Variants in LUZP2 observed in about 807,000 individuals in gnomAD.
LUZP2 encodes the protein leucine zipper protein 2.
Under a neutral mutation model 51.6 loss-of-function variants are expected in LUZP2, and 52 were observed. The ratio of observed to expected loss-of-function variants is 1.01; its 90% CI spans 0.81 to 1.27. The LOEUF (loss-of-function observed/expected upper bound fraction) is 1.27, where lower values mean the gene tolerates loss of function less well. LUZP2 is among the 50% of genes most tolerant of loss of function. The probability of loss-of-function intolerance (pLI) is 0.00; values close to 1 mark genes in which losing one functional copy is unlikely to be tolerated. For synonymous variants in LUZP2, 154 were observed against 137.3 expected, an observed-to-expected ratio of 1.12 and a Z score of -0.85; for missense variants, 436 against 395.4, an observed-to-expected ratio of 1.10 and a Z score of -0.87.
intron 5 of LUZP2, among the ~76,000 whole-genome samples, chr11:24,812,537 T>C (rs1850052278): frequency 6.6e-6 from 1 of 152,182 alleles, no homozygotes; most frequent in Non-Finnish European, 1.5e-5. Context: ...TAACCTCTCT[T>C]TGCCCGTTAA....
chr11:25,075,161 A>C (rs1332666917), intron 10 of LUZP2, among the ~76,000 whole-genome samples: 1 of 152,194 alleles, frequency 6.6e-6, no homozygotes. Context: ...AAATCATACA[A>C]CAAGAAATTT....
intron 1 of LUZP2, among the ~76,000 whole-genome samples, chr11:24,721,750 C>A (rs982309271): frequency 6.6e-6 from 1 of 152,052 alleles, no homozygotes; most frequent in Admixed American, 6.6e-5. Context: ...ACCCAAAACC[C>A]AAACAATGTT....
At chr11:25,014,205 A>G (rs1174417547) in intron 9 of LUZP2, among the ~76,000 whole-genome samples, 1 of 152,216 alleles carries the variant, frequency 6.6e-6, no homozygotes, top group Non-Finnish European at 1.5e-5. Context: ...TGCCACAATA[A>G]ACATACGTGT....
intron 5 of LUZP2, chr11:24,892,319 T>C (rs1478215959): frequency 1.0e-6 from 1 of 985,320 alleles, no homozygotes; most frequent in Admixed American, 6.1e-5. Context: ...AAGTTCTCTG[T>C]CTGGCCTCGA....
At chr11:24,665,897 G>A (rs977078633) in intron 1 of LUZP2, among the ~76,000 whole-genome samples, 2 of 152,016 alleles carry the variant, frequency 1.3e-5, no homozygotes, top group Admixed American at 6.6e-5. Context: ...ATTCATTATA[G>A]TCTTATCATT....
intron 1 of LUZP2, among the ~76,000 whole-genome samples, chr11:24,684,268 C>T (rs182374297): frequency 1.8e-3 from 272 of 152,110 alleles, no homozygotes; most frequent in African/African-American, 6.4e-3. Flanking sequence ...ATCCTAATTG[C>T]CCATAGGAAA....
intron 1 of LUZP2, among the ~76,000 whole-genome samples, chr11:24,566,771 G>GTA (rs1413726213): frequency 2.8e-5 from 4 of 142,160 alleles, no homozygotes; most frequent in African/African-American, 7.8e-5. Context: ...TATGTATAAG[G>GTA]TATATATACA....
At chr11:24,715,408 A>G (rs1351885953) in intron 1 of LUZP2, among the ~76,000 whole-genome samples, 1 of 151,960 alleles carries the variant, frequency 6.6e-6, no homozygotes, top group Non-Finnish European at 1.5e-5. Context: ...GCCCTTCAAG[A>G]GTTTTGATAA....
chr11:25,065,003 G>A, intron 10 of LUZP2, among the ~76,000 whole-genome samples: 1 of 152,032 alleles, frequency 6.6e-6, no homozygotes. Context: ...CTAAATCAGT[G>A]CTTTGTTTGG....
chr11:24,533,082 T>C (rs932437459), intron 1 of LUZP2, among the ~76,000 whole-genome samples: 2 of 151,302 alleles, frequency 1.3e-5, no homozygotes, highest in African/African-American at 2.4e-5. Flanking sequence ...CTTTCCATTT[T>C]AAATTCCAGA....
intron 5 of LUZP2, among the ~76,000 whole-genome samples, chr11:24,897,146 A>G (rs1853091784): frequency 6.6e-6 from 1 of 151,290 alleles, no homozygotes; most frequent in African/African-American, 2.4e-5. Context: ...ACCAATCAGC[A>G]CTCTGTGTCT....
chr11:24,885,492 G>C (rs747439433), intron 5 of LUZP2, among the ~76,000 whole-genome samples: 8 of 152,094 alleles, frequency 5.3e-5, no homozygotes, highest in African/African-American at 1.2e-4. Flanking sequence ...CCCAAGTCTA[G>C]TTGTCCTGAT....
intron 9 of LUZP2, among the ~76,000 whole-genome samples, chr11:25,008,135 G>T (rs1373895372): frequency 1.3e-5 from 2 of 152,198 alleles, no homozygotes; most frequent in Non-Finnish European, 2.9e-5. Flanking sequence ...TGACTACTGG[G>T]CTTGCTCTGC....
intron 1 of LUZP2, among the ~76,000 whole-genome samples, chr11:24,519,589 G>A (rs1027097270): frequency 2.0e-5 from 3 of 152,118 alleles, no homozygotes; most frequent in African/African-American, 7.2e-5. Flanking sequence ...AAAAGTCCTT[G>A]GGAAAGGGTT....
intron 9 of LUZP2, among the ~76,000 whole-genome samples, chr11:25,042,518 A>G (rs1302481506): frequency 6.6e-6 from 1 of 152,220 alleles, no homozygotes; most frequent in Non-Finnish European, 1.5e-5. Context: ...TCTCTAGTAC[A>G]TTATAAATTA....
intron 9 of LUZP2, among the ~76,000 whole-genome samples, chr11:25,019,944 T>C (rs776774970): frequency 1.3e-5 from 2 of 152,086 alleles, no homozygotes; most frequent in Non-Finnish European, 2.9e-5. Flanking sequence ...TTCTTAAAAA[T>C]GACTCCAGAT....
At chr11:24,737,075 G>A (rs1858971067) in intron 3 of LUZP2, among the ~76,000 whole-genome samples, 1 of 152,078 alleles carries the variant, frequency 6.6e-6, no homozygotes, top group Admixed American at 6.6e-5. Flanking sequence ...GCTTATGGTT[G>A]TGTAGAACAT....
chr11:25,045,028 G>A (rs1250695979), intron 9 of LUZP2, among the ~76,000 whole-genome samples: 2 of 113,044 alleles, frequency 1.8e-5, no homozygotes, highest in African/African-American at 6.9e-5. Context: ...ATGGACACAG[G>A]AAGGGGAACA....
At chr11:24,521,065 GT>G (rs1366338094) in intron 1 of LUZP2, among the ~76,000 whole-genome samples, 1 of 152,154 alleles carries the variant, frequency 6.6e-6, no homozygotes, top group Non-Finnish European at 1.5e-5. Context: ...AAAACAGATT[GT>G]GTGGCTGGGC....
Sources: gnomAD v4.1 joint callset for allele counts (sites outside exome capture counted in the v4.1 genomes callset) on GRCh38, gnomAD v4.1.1 for gene constraint, MANE v1.5 for transcripts, NCBI Gene and HGNC (gene_info 2026-07-23, HGNC 2026-07-21) for gene names.